USP9X: variants seen among roughly 807,000 people sequenced by gnomAD.
USP9X encodes ubiquitin carboxyl-terminal hydrolase 9X.
A neutral mutation model predicts 190.3 loss-of-function variants in USP9X; 7 were observed. The ratio of observed to expected loss-of-function variants is 0.04; its 90% CI spans 0.02 to 0.07. USP9X has a LOEUF of 0.07. Ranked by LOEUF, USP9X falls within the 10% of genes least tolerant of loss-of-function variation. USP9X has a pLI of 1.00. For synonymous variants in USP9X, 645 were observed against 659.5 expected, an observed-to-expected ratio of 0.98 and a Z score of 0.34; for missense variants, 1,010 against 1,916.9, an observed-to-expected ratio of 0.53 and a Z score of 8.83.
intron 33 of USP9X, 66 bp from the exon 34 acceptor site, chrX:41,214,502 C>T (rs2063194673): frequency 9.8e-7 from 1 of 1,016,779 alleles, no homozygotes; most frequent in Non-Finnish European, 1.3e-6. Context: ...ATGTAGTTTA[C>T]ATTAAGTCCA....
At chrX:41,106,137 A>G (rs1170457863) in intron 1 of USP9X, among the ~76,000 whole-genome samples, 3 of 111,973 alleles carry the variant, frequency 2.7e-5, no homozygotes, top group African/African-American at 9.8e-5. Flanking sequence ...AAATTTTGAT[A>G]AAGTCCCATT....
chrX:41,134,192 A>T (rs1035528401), intron 4 of USP9X, among the ~76,000 whole-genome samples: 1 of 112,214 alleles, frequency 8.9e-6, no homozygotes, highest in African/African-American at 3.2e-5. Flanking sequence ...TACAAATTGA[A>T]TAGTTTTTAT....
intron 1 of USP9X, among the ~76,000 whole-genome samples, chrX:41,119,052 TCTC>T (rs1030626448): frequency 8.9e-6 from 1 of 111,896 alleles, no homozygotes; most frequent in Non-Finnish European, 1.9e-5. Flanking sequence ...TGGACCTTCT[TCTC>T]ATGCGTCCCC....
At chrX:41,216,785 G>A in intron 35 of USP9X, 133 bp downstream of exon 35, 1 of 775,069 alleles carries the variant, frequency 1.3e-6, no homozygotes, top group Non-Finnish European at 1.8e-6. Context: ...GTTCACGCCT[G>A]TAATCCCAGC....
rs2062676178 is a variant in USP9X at position 41,166,051 on chromosome X, G to C, written c.2165G>C (p.Ser722Thr). The C allele has an allele frequency of 8.3e-7, 1 of 1,209,791 alleles. No individual in the cohort carries two copies. Among genetic ancestry groups the C allele is most frequent in the Non-Finnish European group, 1.1e-6 (1 of 895,246 alleles). The change falls in exon 16 of 45, where the codon AGT becomes ACT. Residue 722 changes from serine (S) to threonine (T), a missense_variant. By Grantham distance (58) the Ser-to-Thr change is moderately conservative. Transcript: ENST00000378308. ...DPDINKDFFE[S>T]NVLQLDPSLL... is the part of the protein sequence containing the mutation. The stretch of plus-strand genomic sequence containing the variant: ...GATATTAATAAGGACTTCTTTGAAA[G>C]TAATGTGCTTCAGCTTGATCCTTCT...
chrX:41,131,639 C>T (rs904445796), intron 4 of USP9X, 103 bp downstream of exon 4: 7 of 678,857 alleles, frequency 1.0e-5, no homozygotes, highest in Non-Finnish European at 1.5e-5. Context: ...CCATCATAAA[C>T]ACATACTGCA....
intron 32 of USP9X, among the ~76,000 whole-genome samples, chrX:41,208,249 T>G: frequency 8.9e-6 from 1 of 111,952 alleles, no homozygotes; most frequent in East Asian, 2.8e-4. Context: ...GGTCTTGAAC[T>G]CCTGACTTCA....
At chrX:41,187,902 A>G (rs2062896076) in intron 24 of USP9X, 90 bp from the exon 25 acceptor site, 5 of 929,250 alleles carry the variant, frequency 5.4e-6, no homozygotes, top group Non-Finnish European at 7.3e-6. Context: ...AGTAATTCCT[A>G]TTTCCTTTAC....
At position 41,216,198 on chromosome X, in the gene USP9X, G is replaced by A. The variant is rs376823138; in HGVS notation, c.5631G>A (p.Gly1877=). The change falls in exon 35 of 45, where the codon GGG becomes GGA. Residue 1877 remains glycine (G), a synonymous_variant. Transcript: ENST00000378308. ...TCGTACACAGTGGTCAAGCGAGTGG[G>A]GGGCATTATTATTCTTACATCATCC... ...GVLVHSGQAS[G]GHYYSYIIQR... 23 of 1,211,575 alleles carry A rather than the reference G, an allele frequency of 1.9e-5. No individual in the cohort carries two copies. The highest frequency in any genetic ancestry group is 3.0e-5 in the East Asian group (1 of 33,861).
intron 39 of USP9X, among the ~76,000 whole-genome samples, chrX:41,223,822 C>T (rs1472729117): frequency 1.8e-5 from 2 of 111,695 alleles, no homozygotes; most frequent in Admixed American, 9.5e-5. Flanking sequence ...TATTTTAGCC[C>T]TGTACCTTTT....
Position 41,198,740 on chromosome X carries a change from A to C in USP9X, c.4593A>C (p.Thr1531=). The change falls in exon 30 of 45, where the codon ACA becomes ACC. Residue 1531 remains threonine (T), a synonymous_variant. Coordinates refer to ENST00000378308, the MANE Select transcript of USP9X (RefSeq NM_001039591.3). ...TGACTGAAATGTATTACATTGGCAC[A>C]GCAATAACTAGTAAGTATTTTTAAT... ...DSLTEMYYIG[T]AITTCEALTE... The C allele has an allele frequency of 8.4e-7, 1 of 1,183,977 alleles. No individual in the cohort carries two copies.
intron 33 of USP9X, among the ~76,000 whole-genome samples, chrX:41,213,803 C>G (rs2063187336): frequency 8.9e-6 from 1 of 112,207 alleles, no homozygotes; most frequent in South Asian, 3.6e-4. Context: ...ATATTCCATT[C>G]ATATAATTTA....
chrX:41,150,344 C>G (rs183337519), intron 12 of USP9X, among the ~76,000 whole-genome samples: 1 of 111,735 alleles, frequency 8.9e-6, no homozygotes, highest in East Asian at 2.8e-4. Context: ...GAGTTTATAA[C>G]ATTTTTAATT....
chrX:41,113,226 G>A (rs1030622232), intron 1 of USP9X, among the ~76,000 whole-genome samples: 8 of 111,897 alleles, frequency 7.1e-5, no homozygotes, highest in Non-Finnish European at 1.5e-4. Flanking sequence ...ATTTGAGATG[G>A]AGTCTCGCTC....
At chrX:41,170,750 C>T (rs111419360) in intron 20 of USP9X, 131 bp downstream of exon 20, 1 of 615,599 alleles carries the variant, frequency 1.6e-6, no homozygotes, top group Non-Finnish European at 2.4e-6. Flanking sequence ...ATACAGTTAA[C>T]CACCAACTTC....
In USP9X at chrX:41,111,461, A is replaced by AT. The variant is rs997597211; in HGVS notation, c.-158-12008dup. On this transcript the variant is annotated intron_variant, in intron 1 of 44. Coordinates refer to ENST00000378308, the MANE Select transcript of USP9X (RefSeq NM_001039591.3). ...TGTTGTTTGCCAATGAATCCTTGGGATTCAGTGATGAGCAAAGCTTGCATA... is the reference window on the plus strand; with the variant it reads ...TGTTGTTTGCCAATGAATCCTTGGGATTTCAGTGATGAGCAAAGCTTGCATA... Among the ~76,000 whole-genome samples, 61 of 111,877 alleles carry AT rather than the reference A, an allele frequency of 5.5e-4. 1 individual carries two copies. The East Asian group carries it at 0.014, about 26-fold the overall frequency.
Position 41,171,915 on chromosome X carries a change from C to G in USP9X, c.3105C>G (p.Pro1035=), listed in dbSNP as rs2147127114. 1 of 1,210,796 alleles carries G rather than the reference C, an allele frequency of 8.3e-7. No homozygotes were observed. Among genetic ancestry groups the G allele is most frequent in the Non-Finnish European group, 1.1e-6 (1 of 895,021 alleles). ...TAGGTAGCAGCCTAAATATGCCACC[C>G]CTTAGAGATGGAGCAAGAGTACTTA... The part of the protein sequence containing the change: ...ADLGSSLNMP[P]LRDGARVLMK... The change falls in exon 21 of 45, where the codon CCC becomes CCG. Residue 1035 remains proline (P), a synonymous_variant. Coordinates refer to ENST00000378308, the MANE Select transcript of USP9X (RefSeq NM_001039591.3).
intron 21 of USP9X, among the ~76,000 whole-genome samples, chrX:41,183,000 G>A (rs1394670638): frequency 9.3e-6 from 1 of 107,515 alleles, no homozygotes; most frequent in East Asian, 2.9e-4. Context: ...GTGCAGTGGC[G>A]CAACCTTGGC....
intron 29 of USP9X, among the ~76,000 whole-genome samples, chrX:41,198,326 T>G (rs1222146446): frequency 9.3e-6 from 1 of 107,760 alleles, no homozygotes; most frequent in Non-Finnish European, 2.0e-5. Context: ...CAAATTTATT[T>G]AACCTGCGAA....
Sources: allele counts gnomAD v4.1 joint callset (sites outside exome capture counted in the v4.1 genomes callset), GRCh38; gene constraint gnomAD v4.1.1; transcripts MANE v1.5; gene names NCBI Gene and HGNC (gene_info 2026-07-23, HGNC 2026-07-21).